ARMH3: variants seen among roughly 807,000 people sequenced by gnomAD.
ARMH3 encodes the protein armadillo-like helical domain-containing protein 3.
ARMH3 carries 60 observed loss-of-function variants against 99.1 expected under a neutral mutation model. The observed-to-expected ratio is 0.61, with a 90% CI of 0.49 to 0.75. The LOEUF is 0.75. Among genes scored for constraint, ARMH3 ranks in the 30% least tolerant of loss-of-function variants. ARMH3 has a pLI of 0.00. For missense variants in ARMH3, 679 were observed against 843.1 expected (o/e 0.81, Z 2.41); for synonymous variants, 285 against 292.8 (o/e 0.97, Z 0.27).
At chr10:101,871,613 G>A (rs1012210807) in intron 24 of ARMH3, among the ~76,000 whole-genome samples, 2 of 151,972 alleles carry the variant, frequency 1.3e-5, no homozygotes, top group African/African-American at 4.8e-5. Context: ...TTTGGCGGGG[G>A]GGAAAGAACA....
At chr10:101,938,209 C>T (rs758025285) in intron 23 of ARMH3, among the ~76,000 whole-genome samples, 2 of 152,036 alleles carry the variant, frequency 1.3e-5, no homozygotes, top group African/African-American at 4.8e-5. Flanking sequence ...ATACTGAGTC[C>T]GGTTATTAGC....
chr10:101,985,245 C>T (rs559009448), intron 19 of ARMH3, among the ~76,000 whole-genome samples: 31 of 143,054 alleles, frequency 2.2e-4, no homozygotes, highest in East Asian at 1.6e-3. Flanking sequence ...TGTATATATA[C>T]GTGTGTATAT....
intron 23 of ARMH3, among the ~76,000 whole-genome samples, chr10:101,908,951 C>T (rs1433433383): frequency 1.3e-5 from 2 of 151,848 alleles, no homozygotes; most frequent in African/African-American, 4.8e-5. Context: ...GTGTAAGCCA[C>T]CACCCCTGGC....
intron 23 of ARMH3, among the ~76,000 whole-genome samples, chr10:101,939,354 T>C (rs1238509471): frequency 3.9e-5 from 6 of 152,208 alleles, no homozygotes; most frequent in Non-Finnish European, 7.3e-5. Flanking sequence ...ACCAACTCCA[T>C]GCCTGACACA....
At chr10:102,046,823 G>C (rs962566209) in intron 1 of ARMH3, among the ~76,000 whole-genome samples, 1 of 152,140 alleles carries the variant, frequency 6.6e-6, no homozygotes, top group Admixed American at 6.6e-5. Context: ...CAAAGCTGAG[G>C]GCCTACAGAG....
At chr10:101,964,549 TA>T (rs1392042425) in intron 20 of ARMH3, among the ~76,000 whole-genome samples, 1 of 152,146 alleles carries the variant, frequency 6.6e-6, no homozygotes, top group Admixed American at 6.5e-5. Context: ...TACTCAGCCT[TA>T]AAAAGGAAGA....
rs1044977108 is a variant in ARMH3, at chr10:101,990,600, C to T, written c.1357G>A (p.Glu453Lys). The part of the protein sequence containing the change: ...LVCAVLDLMV[E>K]FIVTHMMKEF... Reference sequence around the variant, plus strand: ...TTCATCATGTGTGTTACAATAAACTCTACCATCAGGTCTGAAAGGGGAATA... The same window carrying T: ...TTCATCATGTGTGTTACAATAAACTTTACCATCAGGTCTGAAAGGGGAATA... The change falls in exon 19 of 26, where the codon GAG becomes AAG. Residue 453 changes from glutamate to lysine, a missense_variant. Around this residue, in one of 3 missense-constraint regions of ARMH3, gnomAD observed 389 missense variants for 456.5 expected, o/e 0.85. Coordinates refer to ENST00000370033, the MANE Select transcript of ARMH3 (RefSeq NM_024541.3). 4 of 1,605,606 alleles carry T rather than the reference C, an allele frequency of 2.5e-6. No homozygotes were observed. In the African/African-American group the frequency reaches 5.4e-5, roughly 21 times the overall value.
chr10:102,052,179 T>C (rs2067723716), intron 1 of ARMH3, among the ~76,000 whole-genome samples: 1 of 152,032 alleles, frequency 6.6e-6, no homozygotes, highest in Non-Finnish European at 1.5e-5. Flanking sequence ...CACCTAAATA[T>C]AAAATGAAAA....
chr10:102,002,835 C>T (rs1441241584), intron 14 of ARMH3, among the ~76,000 whole-genome samples: 1 of 151,718 alleles, frequency 6.6e-6, no homozygotes, highest in African/African-American at 2.4e-5. Flanking sequence ...GTGGTCGGTG[C>T]CTATAATCCC....
chr10:101,986,673 G>A (rs1008735179), intron 19 of ARMH3, among the ~76,000 whole-genome samples: 1 of 152,138 alleles, frequency 6.6e-6, no homozygotes, highest in Non-Finnish European at 1.5e-5. Context: ...CTGCCGAAAA[G>A]GGGTACATAA....
chr10:102,015,210 T>C (rs552783774), intron 8 of ARMH3, among the ~76,000 whole-genome samples: 29 of 152,126 alleles, frequency 1.9e-4, no homozygotes, highest in Non-Finnish European at 3.1e-4. Context: ...ATTCTGCTGA[T>C]TCTACAGACC....
chr10:101,916,006 G>A (rs1015091619), intron 23 of ARMH3, among the ~76,000 whole-genome samples: 12 of 151,860 alleles, frequency 7.9e-5, no homozygotes, highest in Non-Finnish European at 1.2e-4. Context: ...GGGTTTCACC[G>A]TGTTAGCGAG....
chr10:101,935,174 A>AATATATATATATATAT (rs5787448), intron 23 of ARMH3, among the ~76,000 whole-genome samples: 5,117 of 116,314 alleles, frequency 0.044, 152 homozygotes, highest in East Asian at 0.079. Context: ...AAGGTGGAGC[A>AATATATATATATATAT]ATATATATAT....
chr10:101,897,693 G>A (rs2067871943), intron 23 of ARMH3, among the ~76,000 whole-genome samples: 1 of 152,152 alleles, frequency 6.6e-6, no homozygotes, highest in Admixed American at 6.5e-5. Flanking sequence ...AGTCCCAAAG[G>A]GGAAGGAAAA....
chr10:102,031,988 T>C (rs1262620005), intron 4 of ARMH3, among the ~76,000 whole-genome samples: 1 of 152,212 alleles, frequency 6.6e-6, no homozygotes, highest in African/African-American at 2.4e-5. Flanking sequence ...TCCTCCCGCC[T>C]TGGCCTCCCA....
chr10:102,008,900 T>C (rs2066568934), intron 13 of ARMH3, among the ~76,000 whole-genome samples: 1 of 152,090 alleles, frequency 6.6e-6, no homozygotes, highest in Non-Finnish European at 1.5e-5. Flanking sequence ...TTTCAATGTA[T>C]GTAAACCACG....
chr10:102,034,975 A>G (rs987529625), intron 2 of ARMH3, among the ~76,000 whole-genome samples: 8 of 152,172 alleles, frequency 5.3e-5, no homozygotes, highest in Non-Finnish European at 1.0e-4. Flanking sequence ...AGTGGCTCAC[A>G]CCTGTAACGT....
In ARMH3 at chr10:101,849,888, A is replaced by T. The variant is rs375901191; in HGVS notation, c.1865T>A (p.Leu622Gln). The change falls in exon 25 of 26, where the codon CTG (leucine) becomes CAG (glutamine). Residue 622 changes from leucine (L) to glutamine (Q), a missense_variant. Coordinates refer to ENST00000370033, the MANE Select transcript of ARMH3 (RefSeq NM_024541.3). Reference protein sequence around the residue: ...HISQLSEEQVLEVVRANYDTL... With the variant: ...HISQLSEEQVQEVVRANYDTL... ...GTCATAGTTGGCTCTCACCACCTCC[A>T]GCACCTGGAGGACATCAAGGGCCAG... 5.0e-6 allele frequency: 8 copies of T among 1,613,854 alleles called. No homozygotes were observed. The highest frequency in any genetic ancestry group is 6.8e-6 in the Non-Finnish European group (8 of 1,179,966).
At chr10:101,890,549 C>G (rs1048266429) in intron 23 of ARMH3, among the ~76,000 whole-genome samples, 7 of 152,212 alleles carry the variant, frequency 4.6e-5, no homozygotes, top group African/African-American at 1.7e-4. Context: ...GCCAACAAAT[C>G]TTTCTCATAG....
Sources: allele counts gnomAD v4.1 joint callset (sites outside exome capture counted in the v4.1 genomes callset), GRCh38; gene constraint gnomAD v4.1.1; regional missense constraint gnomAD v4.1.1; transcripts MANE v1.5; gene names NCBI Gene and HGNC (gene_info 2026-07-23, HGNC 2026-07-21).